Variants in SWAP70 observed in about 807,000 individuals in gnomAD.
The protein encoded by SWAP70 is switching B cell complex subunit SWAP70, also known as switch-associated protein 70.
A neutral mutation model predicts 80.2 loss-of-function variants in SWAP70; 34 were observed. The ratio of observed to expected loss-of-function variants is 0.42; its 90% CI spans 0.32 to 0.56. SWAP70 has a LOEUF of 0.56. Among genes scored for constraint, SWAP70 ranks in the 20% least tolerant of loss-of-function variants. The pLI is 0.09. For synonymous variants in SWAP70, 239 were observed against 238.5 expected (o/e 1.00, Z -0.02); for missense variants, 578 against 690.7 (o/e 0.84, Z 1.83).
At chr11:9,722,603 G>A (rs1039231831) in intron 3 of SWAP70, among the ~76,000 whole-genome samples, 5 of 152,166 alleles carry the variant, frequency 3.3e-5, no homozygotes, top group African/African-American at 7.2e-5. Context: ...CGCATGCTTC[G>A]TTTTGAGTAG....
chr11:9,730,576 A>G (rs1184790688), intron 6 of SWAP70, among the ~76,000 whole-genome samples: 1 of 152,166 alleles, frequency 6.6e-6, no homozygotes, highest in Non-Finnish European at 1.5e-5. Flanking sequence ...TATTTGAAGA[A>G]TATAGAATTT....
chr11:9,700,819 C>G (rs1005303953), intron 2 of SWAP70, among the ~76,000 whole-genome samples: 12 of 152,302 alleles, frequency 7.9e-5, no homozygotes, highest in African/African-American at 2.9e-4. Context: ...GATTACCTCA[C>G]ACTTGCTCAG....
chr11:9,747,761 C>T, intron 9 of SWAP70, 97 bp from the exon 10 acceptor site: 1 of 1,155,692 alleles, frequency 8.7e-7, no homozygotes, highest in East Asian at 2.3e-5. Context: ...GATTAGACGA[C>T]CTCAAATATT....
At chr11:9,667,746 G>T (rs1409430895) in intron 1 of SWAP70, among the ~76,000 whole-genome samples, 3 of 151,916 alleles carry the variant, frequency 2.0e-5, no homozygotes, top group Admixed American at 6.6e-5. Flanking sequence ...TACTTATGTA[G>T]AGATGGAGTT....
intron 2 of SWAP70, among the ~76,000 whole-genome samples, chr11:9,708,440 A>G (rs888231684): frequency 6.6e-6 from 1 of 152,168 alleles, no homozygotes; most frequent in Non-Finnish European, 1.5e-5. Flanking sequence ...GTTCGTATAT[A>G]TTATTTGGAG....
At chr11:9,679,571 A>G (rs985706147) in intron 1 of SWAP70, among the ~76,000 whole-genome samples, 1 of 152,238 alleles carries the variant, frequency 6.6e-6, no homozygotes, top group Non-Finnish European at 1.5e-5. Flanking sequence ...ATAGGACAGC[A>G]GACAATTAGT....
Position 9,724,660 on chromosome 11 carries a change from T to A in SWAP70, c.417T>A (p.Ile139=). The A allele has an allele frequency of 4.4e-6, 7 of 1,607,592 alleles. No individual in the cohort carries two copies. The highest frequency in any genetic ancestry group is 6.0e-6 in the Non-Finnish European group (7 of 1,176,020). Residue 139 remains isoleucine, a splice_region_variant and synonymous_variant, in exon 4 of 12, where the codon ATT becomes ATA. Coordinates refer to ENST00000318950, the MANE Select transcript of SWAP70 (RefSeq NM_015055.4). Reference sequence around the variant, plus strand: ...ATTATTTCACATTCTTTATGTAGATTGAATACCTGCTTAAGAAGCTTACAG... The same window carrying A: ...ATTATTTCACATTCTTTATGTAGATAGAATACCTGCTTAAGAAGCTTACAG... ...KYPLIIVSEE[I]EYLLKKLTEA...
chr11:9,664,184 G>A lies in SWAP70; in HGVS notation c.5G>A (p.Gly2Glu), dbSNP rs746454913. The A allele has an allele frequency of 5.1e-6, 8 of 1,578,678 alleles. No individual in the cohort carries two copies. In the Admixed American group the frequency reaches 1.5e-4, roughly 29 times the overall value. Residue 2 changes from glycine (G) to glutamate (E), a missense_variant, in exon 1 of 12, where the codon GGG becomes GAG. Physicochemically the swap from Gly to Glu is moderately conservative, Grantham distance 98. Coordinates refer to ENST00000318950, the MANE Select transcript of SWAP70 (RefSeq NM_015055.4). ...CGGGGCAGCAGGGCCGCGGCCATGG[G>A]GAGCTTGAAGGAGGAGCTGCTCAAA... M[G>E]SLKEELLKAI...
intron 1 of SWAP70, among the ~76,000 whole-genome samples, chr11:9,678,543 C>CTTTTTTT (rs72123125): frequency 1.7e-4 from 13 of 77,170 alleles, no homozygotes; most frequent in Non-Finnish European, 2.5e-4. Context: ...CTCTGAGGTG[C>CTTTTTTT]TTTTTTTTTT....
chr11:9,672,995 C>A (rs2134421944), intron 1 of SWAP70, among the ~76,000 whole-genome samples: 1 of 152,230 alleles, frequency 6.6e-6, no homozygotes, highest in South Asian at 2.1e-4. Context: ...TTTCTGGTGA[C>A]CAAATGTGTG....
At chr11:9,701,150 A>G (rs1850825907) in intron 2 of SWAP70, among the ~76,000 whole-genome samples, 1 of 151,512 alleles carries the variant, frequency 6.6e-6, no homozygotes, top group Admixed American at 6.6e-5. Flanking sequence ...TTCCTTTACC[A>G]AGTATTTTTT....
Position 9,749,450 on chromosome 11 carries a change from G to A in SWAP70, c.1651+267G>A, listed in dbSNP as rs553643374. Among the ~76,000 whole-genome samples, 109 of 152,238 alleles carry A rather than the reference G, an allele frequency of 7.2e-4. 2 individuals carry two copies. Among genetic ancestry groups the A allele is most frequent in the African/African-American group, 2.5e-3 (105 of 41,568 alleles). ...TTTAGTAGAGACGGGGTTTCACCGTGTTAACCAGGATGGTCTTGATCTCCT... is the reference window on the plus strand; with the variant it reads ...TTTAGTAGAGACGGGGTTTCACCGTATTAACCAGGATGGTCTTGATCTCCT... On this transcript the variant is annotated intron_variant, in intron 11 of 11. Transcript: ENST00000318950.
At chr11:9,708,910 A>ATT (rs1394870992) in intron 2 of SWAP70, among the ~76,000 whole-genome samples, 1 of 152,128 alleles carries the variant, frequency 6.6e-6, no homozygotes, top group Non-Finnish European at 1.5e-5. Context: ...AAGAGCTAGC[A>ATT]TTTGAGACAG....
chr11:9,674,100 C>T (rs928902822), intron 1 of SWAP70, among the ~76,000 whole-genome samples: 4 of 152,104 alleles, frequency 2.6e-5, no homozygotes, highest in Admixed American at 6.6e-5. Context: ...CGAGTTTCGC[C>T]GTGTTGGCCA....
At chr11:9,677,388 T>A (rs908667020) in intron 1 of SWAP70, among the ~76,000 whole-genome samples, 17 of 152,302 alleles carry the variant, frequency 1.1e-4, no homozygotes, top group African/African-American at 2.4e-4. Flanking sequence ...GAAGCTTTTT[T>A]AATATCTCAT....
At chr11:9,666,175 T>G (rs1455529840) in intron 1 of SWAP70, among the ~76,000 whole-genome samples, 1 of 150,938 alleles carries the variant, frequency 6.6e-6, no homozygotes, top group Non-Finnish European at 1.5e-5. Context: ...AACGTCTGTC[T>G]CCTAGGTTCT....
intron 3 of SWAP70, among the ~76,000 whole-genome samples, chr11:9,714,896 T>C (rs1487759511): frequency 6.9e-6 from 1 of 144,398 alleles, no homozygotes; most frequent in African/African-American, 2.6e-5. Flanking sequence ...TATTGCAGCC[T>C]CCACCTCCCA....
Position 9,706,623 on chromosome 11 carries a change from C to T in SWAP70, c.241-6843C>T, listed in dbSNP as rs139780149. On this transcript the variant is annotated intron_variant, in intron 2 of 11. Transcript: ENST00000318950. ...TCCTGAATTTTATGTGCATTTTCCT[C>T]TCACATTAGAAAAAAGTTTTGTCAT... Among the ~76,000 whole-genome samples the T allele has an allele frequency of 4.7e-4, 72 of 152,134 alleles. 1 individual carries two copies. In the East Asian group the frequency reaches 9.4e-3, roughly 20 times the overall value.
intron 1 of SWAP70, among the ~76,000 whole-genome samples, chr11:9,678,608 A>G (rs183915245): frequency 2.0e-4 from 26 of 130,324 alleles, no homozygotes; most frequent in African/African-American, 7.5e-4. Flanking sequence ...TGATCTTAGG[A>G]CTCAGAGTTC....
Sources: gnomAD v4.1 joint callset for allele counts (sites outside exome capture counted in the v4.1 genomes callset) on GRCh38, gnomAD v4.1.1 for gene constraint, MANE v1.5 for transcripts, NCBI Gene and HGNC (gene_info 2026-07-23, HGNC 2026-07-21) for gene names.